The following MOXD1 variants were observed in gnomAD, a reference collection of about 807,000 sequenced individuals.
MOXD1 encodes the protein DBH-like monooxygenase protein 1.
A neutral mutation model predicts 66.6 loss-of-function variants in MOXD1; 62 were observed. That is an observed-to-expected ratio of 0.93 (90% CI 0.76 to 1.15). The LOEUF (loss-of-function observed/expected upper bound fraction) is 1.15, where lower values mean the gene tolerates loss of function less well. Ranked by LOEUF, MOXD1 falls within the 50% of genes most tolerant of loss-of-function variation. MOXD1 has a pLI of 0.00. For missense variants in MOXD1, 847 were observed against 754.6 expected, an observed-to-expected ratio of 1.12 and a Z score of -1.44; for synonymous variants, 303 against 281.9, an observed-to-expected ratio of 1.07 and a Z score of -0.75.
intron 4 of MOXD1, among the ~76,000 whole-genome samples, chr6:132,370,890 T>C (rs180819052): frequency 6.6e-6 from 1 of 152,240 alleles, no homozygotes; most frequent in African/African-American, 2.4e-5. Flanking sequence ...ATAGGAAAGT[T>C]AGTGAAGAAA....
chr6:132,353,979 G>T (rs1443973042), intron 4 of MOXD1, among the ~76,000 whole-genome samples: 1 of 152,044 alleles, frequency 6.6e-6, no homozygotes, highest in African/African-American at 2.4e-5. Context: ...AGAACATTTT[G>T]CATTTCTATA....
Position 132,401,276 on chromosome 6 carries a change from G to C in MOXD1, c.151C>G (p.Arg51Gly). ...TAGCCTGCAGTGCGCACCTGGAGGC[G>C]GAAGGCGATCTGGCTGCCCCGCTGG... ...WSQRGSQIAFRLQVRTAGYVG... is the reference protein window; with the variant it reads ...WSQRGSQIAFGLQVRTAGYVG... The change falls in exon 1 of 12, where the codon CGC becomes GGC. Residue 51 changes from arginine to glycine, a missense_variant. Coordinates refer to ENST00000367963, the MANE Select transcript of MOXD1 (RefSeq NM_015529.4). 6.3e-7 allele frequency: 1 copy of C among 1,598,324 alleles called. No individual in the cohort carries two copies. The highest frequency in any genetic ancestry group is 1.1e-5 in the South Asian group (1 of 89,832).
At chr6:132,354,385 G>A (rs1005489506) in intron 4 of MOXD1, among the ~76,000 whole-genome samples, 2 of 152,144 alleles carry the variant, frequency 1.3e-5, no homozygotes, top group Non-Finnish European at 2.9e-5. Context: ...CTATGGATGT[G>A]GCTTCCTGTG....
Position 132,296,126 on chromosome 6 carries a change from A to G in MOXD1, c.*1027T>C, listed in dbSNP as rs1774390583. 6.6e-6 allele frequency: 1 copy of G among 152,208 alleles called. No individual in the cohort carries two copies. The highest frequency in any genetic ancestry group is 1.5e-5 in the Non-Finnish European group (1 of 68,032). The allele number at this position is 152,208 out of a possible 1,614,324, so 9.4% of individuals were successfully genotyped here. ...AAGAGATGAGGACAGGACATAAAAC[A>G]AGATTTGGCTGAGCTATATAAAGAA... is the stretch of plus-strand genomic sequence containing the variant. On this transcript the variant is annotated 3_prime_UTR_variant, in exon 12 of 12. Coordinates refer to ENST00000367963, the MANE Select transcript of MOXD1 (RefSeq NM_015529.4).
intron 1 of MOXD1, among the ~76,000 whole-genome samples, chr6:132,387,611 G>A (rs1180141976): frequency 1.1e-4 from 16 of 150,186 alleles, no homozygotes; most frequent in Admixed American, 6.7e-4. Flanking sequence ...AAAATTAGCC[G>A]GGTATGGTGG....
chr6:132,352,690 G>C (rs796317364), intron 4 of MOXD1, among the ~76,000 whole-genome samples: 4 of 152,140 alleles, frequency 2.6e-5, no homozygotes, highest in African/African-American at 9.6e-5. Flanking sequence ...TTTCTTTGTT[G>C]ACTTTGTCTT....
At chr6:132,305,775 A>T (rs1582559246) in intron 10 of MOXD1, among the ~76,000 whole-genome samples, 1 of 152,160 alleles carries the variant, frequency 6.6e-6, no homozygotes, top group African/African-American at 2.4e-5. Context: ...GAGGGACCTG[A>T]CTGTTGAAAG....
intron 1 of MOXD1, among the ~76,000 whole-genome samples, chr6:132,381,474 C>T (rs1179867433): frequency 6.6e-6 from 1 of 151,782 alleles, no homozygotes. Context: ...AAATTGGGAT[C>T]CTAAACTTCA....
intron 10 of MOXD1, among the ~76,000 whole-genome samples, chr6:132,307,253 A>T (rs1774715532): frequency 6.6e-6 from 1 of 152,214 alleles, no homozygotes; most frequent in South Asian, 2.1e-4. Context: ...AGACCAACAG[A>T]GATCAAAAAA....
intron 4 of MOXD1, among the ~76,000 whole-genome samples, chr6:132,330,091 A>T (rs1775284292): frequency 6.6e-6 from 1 of 152,116 alleles, no homozygotes; most frequent in Admixed American, 6.5e-5. Context: ...CATCCCAGAG[A>T]TTCTATATGC....
intron 10 of MOXD1, among the ~76,000 whole-genome samples, chr6:132,312,836 T>C (rs1004377842): frequency 4.6e-5 from 7 of 151,996 alleles, no homozygotes; most frequent in Non-Finnish European, 8.8e-5. Context: ...ATAGAATGCA[T>C]TTAAATCATC....
chr6:132,334,439 C>A (rs1349253604), intron 4 of MOXD1, among the ~76,000 whole-genome samples: 1 of 152,200 alleles, frequency 6.6e-6, no homozygotes, highest in Non-Finnish European at 1.5e-5. Flanking sequence ...CACTCACCAG[C>A]ACTCACAACT....
intron 1 of MOXD1, among the ~76,000 whole-genome samples, chr6:132,392,642 C>T (rs1226903544): frequency 6.6e-6 from 1 of 152,216 alleles, no homozygotes; most frequent in African/African-American, 2.4e-5. Context: ...TGGCTTCCCA[C>T]CTCACCCTGA....
chr6:132,337,139 C>T (rs1775457799), intron 4 of MOXD1, among the ~76,000 whole-genome samples: 1 of 152,200 alleles, frequency 6.6e-6, no homozygotes, highest in African/African-American at 2.4e-5. Context: ...TCTCTACCAA[C>T]TGTGGTTTAT....
intron 1 of MOXD1, among the ~76,000 whole-genome samples, chr6:132,386,401 C>CA (rs767071494): frequency 3.8e-5 from 3 of 78,984 alleles, no homozygotes; most frequent in Non-Finnish European, 5.1e-5. Context: ...GACTCCGTCT[C>CA]AAAAAACAAA....
intron 4 of MOXD1, among the ~76,000 whole-genome samples, chr6:132,338,826 A>T (rs903071954): frequency 6.6e-6 from 1 of 152,218 alleles, no homozygotes; most frequent in Admixed American, 6.5e-5. Context: ...AGGCTTACTT[A>T]TAAGATTATT....
At chr6:132,399,983 T>A (rs1356344437) in intron 1 of MOXD1, among the ~76,000 whole-genome samples, 1 of 152,172 alleles carries the variant, frequency 6.6e-6, no homozygotes, top group African/African-American at 2.4e-5. Flanking sequence ...TTTATTGGAG[T>A]TGTAAAGTTA....
chr6:132,382,030 G>A (rs977280257), intron 1 of MOXD1, among the ~76,000 whole-genome samples: 1 of 151,870 alleles, frequency 6.6e-6, no homozygotes, highest in Non-Finnish European at 1.5e-5. Context: ...TTATATTCCA[G>A]GATTTGAAAA....
intron 10 of MOXD1, among the ~76,000 whole-genome samples, chr6:132,308,698 A>G (rs1257494278): frequency 1.3e-5 from 2 of 152,230 alleles, no homozygotes; most frequent in African/African-American, 4.8e-5. Context: ...CATCCCTGGG[A>G]TACAAGGCAG....
Sources: gnomAD v4.1 joint callset for allele counts (sites outside exome capture counted in the v4.1 genomes callset) on GRCh38, gnomAD v4.1.1 for gene constraint, MANE v1.5 for transcripts, NCBI Gene and HGNC (gene_info 2026-07-23, HGNC 2026-07-21) for gene names.